Variants in TLR6 observed in about 807,000 individuals in gnomAD.
TLR6 encodes the protein toll like receptor 6, also known as toll-like receptor 6.
Under a neutral mutation model 16.1 loss-of-function variants are expected in TLR6, and 9 were observed. The ratio of observed to expected loss-of-function variants is 0.56; its 90% CI spans 0.34 to 0.98. The LOEUF (loss-of-function observed/expected upper bound fraction) is 0.98. Among genes scored for constraint, TLR6 ranks in the 50% least tolerant of loss-of-function variants. The probability of loss-of-function intolerance (pLI) is 0.02; values close to 1 mark genes in which losing one functional copy is unlikely to be tolerated. For synonymous variants in TLR6, 340 were observed against 338.6 expected, an observed-to-expected ratio of 1.00 and a Z score of -0.04; for missense variants, 786 against 921.0, an observed-to-expected ratio of 0.85 and a Z score of 1.90.
At chr4:38,836,936 T>A in intron 1 of TLR6, among the ~76,000 whole-genome samples, 1 of 135,666 alleles carries the variant, frequency 7.4e-6, no homozygotes, top group African/African-American at 2.7e-5. Flanking sequence ...TGAGACTCAG[T>A]CTCAAAAAAA....
At chr4:38,865,887 C>T in the TLR6 span, among the ~76,000 whole-genome samples, 2 of 152,324 alleles carry the variant, frequency 1.3e-5, no homozygotes, top group South Asian at 4.1e-4. Context: ...GCCTGTAATC[C>T]CAACACTTTG....
At chr4:38,848,828 G>C (rs1186972225) in intron 1 of TLR6, among the ~76,000 whole-genome samples, 1 of 152,192 alleles carries the variant, frequency 6.6e-6, no homozygotes, top group Non-Finnish European at 1.5e-5. Flanking sequence ...TTGACGGGGA[G>C]AATGGAACCA....
downstream of TLR6, among the ~76,000 whole-genome samples, chr4:38,823,411 C>A (rs114942014): frequency 6.6e-6 from 1 of 152,140 alleles, no homozygotes; most frequent in South Asian, 2.1e-4. Context: ...TCAAAATTAC[C>A]TAACACACAT....
exon 2 of TLR6, chr4:38,827,023 G>A (rs1424949949): frequency 2.3e-6 from 3 of 1,307,210 alleles, no homozygotes; most frequent in Non-Finnish European, 3.1e-6. Flanking sequence ...ACTTACGACT[G>A]TACTATTCAC....
chr4:38,847,194 A>C (rs1579257021), intron 1 of TLR6, among the ~76,000 whole-genome samples: 1 of 152,230 alleles, frequency 6.6e-6, no homozygotes, highest in African/African-American at 2.4e-5. Flanking sequence ...TATTTAAAAA[A>C]TACTTTGAAA....
upstream of TLR6, among the ~76,000 whole-genome samples, chr4:38,857,682 C>T (rs1298256689): frequency 2.0e-5 from 3 of 152,202 alleles, no homozygotes; most frequent in Admixed American, 6.5e-5. Flanking sequence ...CAAGTTAAGA[C>T]CTTACAATTT....
chr4:38,826,438 G>A (rs903477529), exon 2 of TLR6: 36 of 152,176 alleles, frequency 2.4e-4, no homozygotes, highest in African/African-American at 5.5e-4. Flanking sequence ...AAATTTGGCC[G>A]AGTTTTCTTG....
chr4:38,851,349 C>T (rs1712763562), intron 1 of TLR6, among the ~76,000 whole-genome samples: 1 of 152,286 alleles, frequency 6.6e-6, no homozygotes, highest in South Asian at 2.1e-4. Context: ...CTCACCACTC[C>T]TATTCATATT....
chr4:38,827,749 A>G, exon 2 of TLR6: 4 of 1,614,220 alleles, frequency 2.5e-6, no homozygotes, highest in Non-Finnish European at 3.4e-6. Context: ...CAGACATGTG[A>G]AAGTCCTTTA....
the TLR6 span, among the ~76,000 whole-genome samples, chr4:38,861,899 G>T: frequency 6.6e-6 from 1 of 152,146 alleles, no homozygotes; most frequent in African/African-American, 2.4e-5. Flanking sequence ...CTATCTGCTT[G>T]CTGATGTCTC....
the TLR6 span, among the ~76,000 whole-genome samples, chr4:38,866,872 T>C: frequency 6.6e-6 from 1 of 152,222 alleles, no homozygotes. Flanking sequence ...ACTTTGAATT[T>C]ATAATTCTTC....
At chr4:38,836,075 T>C (rs540911045) in intron 1 of TLR6, among the ~76,000 whole-genome samples, 6 of 151,040 alleles carry the variant, frequency 4.0e-5, no homozygotes, top group Non-Finnish European at 7.4e-5. Context: ...CAAGAACAAA[T>C]AGAAAAGCAA....
intron 1 of TLR6, among the ~76,000 whole-genome samples, chr4:38,834,350 G>GAA (rs199516709): frequency 1.1e-4 from 13 of 120,960 alleles, no homozygotes; most frequent in East Asian, 6.8e-4. Context: ...CCAGTGAGGC[G>GAA]AAAAAAAAAA....
intron 1 of TLR6, among the ~76,000 whole-genome samples, chr4:38,851,033 T>C (rs561538881): frequency 2.0e-5 from 3 of 152,132 alleles, no homozygotes; most frequent in African/African-American, 7.2e-5. Context: ...TTATCCACCA[T>C]GATCAAGTGG....
intron 1 of TLR6, among the ~76,000 whole-genome samples, chr4:38,831,106 C>T (rs5743794): frequency 0.15 from 22,886 of 150,976 alleles, 2,300 homozygotes; most frequent in Middle Eastern, 0.41. Flanking sequence ...TACAAAGCTA[C>T]AGCAATCAAG....
chr4:38,829,107 AACTC>A lies in TLR6; in HGVS notation c.363_366del (p.Phe123GlyfsTer3). The A allele has an allele frequency of 1.2e-6, 2 of 1,614,156 alleles. No homozygotes were observed. The highest frequency in any genetic ancestry group is 1.7e-6 in the Non-Finnish European group (2 of 1,180,004). ...TTGAATGAGAGATCTAAATGCCTGA[AACTC>A]ACAATAGGATGGCAGGATATCTTTT... On this transcript the variant is annotated frameshift_variant, in exon 2 of 2. Coordinates refer to ENST00000436693, the Ensembl canonical transcript of TLR6. LOFTEE classifies it low-confidence loss of function (END_TRUNC).
chr4:38,836,170 A>G (rs951534169), intron 1 of TLR6, among the ~76,000 whole-genome samples: 10 of 152,120 alleles, frequency 6.6e-5, no homozygotes, highest in African/African-American at 2.2e-4. Flanking sequence ...AAAATAGAAA[A>G]GATCAATAAA....
the TLR6 span, chr4:38,867,641 C>T: frequency 6.6e-6 from 1 of 151,884 alleles, no homozygotes; most frequent in Non-Finnish European, 1.5e-5. Flanking sequence ...CCAGGAGACT[C>T]GCCCAGCGCG....
At chr4:38,829,291 C>T (rs1248818644) in exon 2 of TLR6, 5 of 1,614,058 alleles carry the variant, frequency 3.1e-6, no homozygotes, top group African/African-American at 1.3e-5. Flanking sequence ...CGATGTAGTT[C>T]TGAGACATAT....
Sources: gnomAD v4.1 joint callset for allele counts (sites outside exome capture counted in the v4.1 genomes callset) on GRCh38, gnomAD v4.1.1 for gene constraint, MANE v1.5 for transcripts, NCBI Gene and HGNC (gene_info 2026-07-23, HGNC 2026-07-21) for gene names.